CELSR1: variants seen among roughly 807,000 people sequenced by gnomAD.
CELSR1 encodes the protein adhesion G protein-coupled receptor C1.
CELSR1 carries 110 observed loss-of-function variants against 249.1 expected under a neutral mutation model. That is an observed-to-expected ratio of 0.44 (90% CI 0.38 to 0.52). The LOEUF is 0.52. Ranked by LOEUF, CELSR1 falls within the 20% of genes least tolerant of loss-of-function variation. CELSR1 has a pLI of 0.00. For missense variants in CELSR1, 4,109 were observed against 4,296.4 expected (o/e 0.96, Z 1.22); for synonymous variants, 2,113 against 1,900.0 (o/e 1.11, Z -2.92).
rs140516859 is a variant in CELSR1 at position 46,501,916 on chromosome 22, C to G, written c.3544+31711G>C. Among the ~76,000 whole-genome samples the G allele has an allele frequency of 4.1e-3, 623 of 152,220 alleles. 2 individuals carry two copies. The highest frequency in any genetic ancestry group is 6.8e-3 in the South Asian group (33 of 4,822). ...GGAGTAATATGTGACTCACTTCATT[C>G]TGAAGGAGCAGAGGAAGCTCATTAC... is the stretch of plus-strand genomic sequence containing the variant. On this transcript the variant is annotated intron_variant, in intron 1 of 34. Transcript: ENST00000674500.
chr22:46,502,650 C>T (rs964900062), intron 1 of CELSR1, among the ~76,000 whole-genome samples: 8 of 152,094 alleles, frequency 5.3e-5, no homozygotes, highest in Non-Finnish European at 8.8e-5. Flanking sequence ...CTTTACAAAT[C>T]CCTGTGAAAT....
At chr22:46,525,341 C>T (rs534298140) in intron 1 of CELSR1, among the ~76,000 whole-genome samples, 19 of 151,854 alleles carry the variant, frequency 1.3e-4, no homozygotes, top group African/African-American at 4.1e-4. Flanking sequence ...CTCCGCTACT[C>T]GGGAGGCTGA....
At position 46,391,122 on chromosome 22, in the gene CELSR1, T is replaced by C; in HGVS notation, c.6250+64A>G. The C allele has an allele frequency of 7.4e-7, 1 of 1,350,438 alleles. No homozygotes were observed. The highest frequency in any genetic ancestry group is 2.3e-5 in the East Asian group (1 of 42,938). The allele number at this position is 1,350,438 out of a possible 1,614,324, so 83.7% of individuals were successfully genotyped here. ...GAAACATTCCATGAGTCCCCACATC[T>C]CGACTGGCTCCTCCCACAAGGACGC... On this transcript the variant is annotated intron_variant, in intron 16 of 34. Coordinates refer to ENST00000674500, the MANE Select transcript of CELSR1 (RefSeq NM_001378328.1). This position sits in a 1 kb window ranked among gnomAD's most constrained non-coding sequence, Gnocchi z 4.3.
chr22:46,480,554 C>T (rs1376695736), intron 1 of CELSR1, among the ~76,000 whole-genome samples: 1 of 152,172 alleles, frequency 6.6e-6, no homozygotes, highest in Non-Finnish European at 1.5e-5. Context: ...AAGTGAGTGA[C>T]CTCATGGATT....
intron 5 of CELSR1, among the ~76,000 whole-genome samples, chr22:46,415,858 G>C (rs2079393756): frequency 6.6e-6 from 1 of 152,210 alleles, no homozygotes; most frequent in Admixed American, 6.5e-5. Flanking sequence ...GCTTGAATAG[G>C]GATAAGTGAA....
chr22:46,369,041 T>C (rs2078819908), intron 27 of CELSR1, 138 bp downstream of exon 27: 1 of 708,248 alleles, frequency 1.4e-6, no homozygotes. Flanking sequence ...TCTGGAGCCC[T>C]GGGGCTCACC....
chr22:46,480,251 T>C (rs2080253244), intron 1 of CELSR1, among the ~76,000 whole-genome samples: 1 of 152,222 alleles, frequency 6.6e-6, no homozygotes, highest in African/African-American at 2.4e-5. Flanking sequence ...GTCATGTTTT[T>C]GCATGGTCTC....
intron 9 of CELSR1, among the ~76,000 whole-genome samples, chr22:46,403,600 C>T (rs770196493): frequency 2.6e-5 from 4 of 151,664 alleles, no homozygotes; most frequent in South Asian, 2.1e-4. Flanking sequence ...TTGAATACCA[C>T]GATTAACAAA....
intron 1 of CELSR1, among the ~76,000 whole-genome samples, chr22:46,501,556 T>C (rs979436431): frequency 1.3e-5 from 2 of 152,134 alleles, no homozygotes; most frequent in African/African-American, 4.8e-5. Context: ...TAGGAGACCT[T>C]TTCGTGAAGT....
At chr22:46,479,167 G>A (rs1422706688) in intron 1 of CELSR1, among the ~76,000 whole-genome samples, 1 of 151,818 alleles carries the variant, frequency 6.6e-6, no homozygotes, top group Admixed American at 6.6e-5. Flanking sequence ...TGCGGCTGGT[G>A]CAGCATCCGC....
Position 46,361,585 on chromosome 22 carries a change from A to C in CELSR1, c.*1638T>G, listed in dbSNP as rs887748219. On this transcript the variant is annotated 3_prime_UTR_variant, in exon 35 of 35. Coordinates refer to ENST00000674500, the MANE Select transcript of CELSR1 (RefSeq NM_001378328.1). ...AAAGACCACTCACCTGGTAAGGCAC[A>C]TGTATAATTCATTCAGGTGTGAGGA... is the stretch of plus-strand genomic sequence containing the variant. 6.6e-6 allele frequency: 1 copy of C among 152,224 alleles called. No homozygotes were observed. Among genetic ancestry groups the C allele is most frequent in the Non-Finnish European group, 1.5e-5 (1 of 68,038 alleles). The allele number at this position is 152,224 out of a possible 1,614,324, so 9.4% of individuals were successfully genotyped here.
Position 46,537,114 on chromosome 22 carries a change from G to A in CELSR1, c.57C>T (p.Ala19=), listed in dbSNP as rs913486367. 3 of 1,036,226 alleles carry A rather than the reference G, an allele frequency of 2.9e-6. No individual in the cohort carries two copies. Among genetic ancestry groups the A allele is most frequent in the Admixed American group, 5.7e-5 (1 of 17,626 alleles). 64.2% of individuals were successfully genotyped at this position (1,036,226 alleles called of 1,614,324 possible). ...LPVLLLLAAA[A]ALPAMGLRAA... is the part of the protein sequence containing the mutation. ...CTCGCAGCCCCATCGCCGGCAGGGCGGCGGCGGCGGCCAGGAGCAGCAGCA... is the reference window on the plus strand; with the variant it reads ...CTCGCAGCCCCATCGCCGGCAGGGCAGCGGCGGCGGCCAGGAGCAGCAGCA... Residue 19 remains alanine, a synonymous_variant, in exon 1 of 35, where the codon GCC becomes GCT. Coordinates refer to ENST00000674500, the MANE Select transcript of CELSR1 (RefSeq NM_001378328.1). This position sits in a 1 kb window ranked among gnomAD's most constrained non-coding sequence, Gnocchi z 5.8.
In CELSR1 at chr22:46,441,155, A is replaced by T. The variant is rs957182881; in HGVS notation, c.4184-1744T>A. On this transcript the variant is annotated intron_variant, in intron 2 of 34. Transcript: ENST00000674500. This position sits in a 1 kb window ranked among gnomAD's most constrained non-coding sequence, Gnocchi z 6.1. ...GTGCCAGAGCGAGACTTCATTTCAA[A>T]AAAAAAAAAAAAAGAGAGACTGCTA... Among the ~76,000 whole-genome samples the T allele has an allele frequency of 6.6e-6, 1 of 150,608 alleles. No homozygotes were observed. Among genetic ancestry groups the T allele is most frequent in the African/African-American group, 2.4e-5 (1 of 40,932 alleles).
At chr22:46,495,424 T>C (rs2080403806) in intron 1 of CELSR1, among the ~76,000 whole-genome samples, 1 of 152,246 alleles carries the variant, frequency 6.6e-6, no homozygotes, top group South Asian at 2.1e-4. Flanking sequence ...GTTTCAGGAC[T>C]GGAAGTTGCC....
intron 20 of CELSR1, among the ~76,000 whole-genome samples, chr22:46,383,924 G>C (rs1167809149): frequency 8.5e-5 from 13 of 152,052 alleles, no homozygotes; most frequent in Non-Finnish European, 1.8e-4. Context: ...ACATGGCTGA[G>C]TATCCCTCAG....
chr22:46,451,951 G>A (rs372627461), intron 2 of CELSR1, among the ~76,000 whole-genome samples: 8 of 152,200 alleles, frequency 5.3e-5, no homozygotes, highest in African/African-American at 1.9e-4. Flanking sequence ...CTGGTGCACA[G>A]GGAGGCAGAG....
At chr22:46,520,152 G>A (rs1045491522) in intron 1 of CELSR1, among the ~76,000 whole-genome samples, 8 of 152,050 alleles carry the variant, frequency 5.3e-5, no homozygotes, top group African/African-American at 1.7e-4. Flanking sequence ...GGAATTACAG[G>A]CGTGAGCCAC....
At chr22:46,421,210 G>C (rs988269490) in intron 5 of CELSR1, among the ~76,000 whole-genome samples, 14 of 152,038 alleles carry the variant, frequency 9.2e-5, no homozygotes, top group Non-Finnish European at 1.5e-5. Context: ...AGGTGCTGGG[G>C]GGGTAGAGGC....
intron 1 of CELSR1, among the ~76,000 whole-genome samples, chr22:46,479,308 G>T (rs2147654844): frequency 6.6e-6 from 1 of 152,152 alleles, no homozygotes; most frequent in South Asian, 2.1e-4. Flanking sequence ...CATCTCCAGG[G>T]ACCAACCTGC....
Sources: gnomAD v4.1 joint callset for allele counts (sites outside exome capture counted in the v4.1 genomes callset) on GRCh38, gnomAD v4.1.1 for gene constraint, Gnocchi (gnomAD v3.1) non-coding constraint, MANE v1.5 for transcripts, NCBI Gene and HGNC (gene_info 2026-07-23, HGNC 2026-07-21) for gene names.